Variants in GRAMD1B observed in about 807,000 individuals in gnomAD.
The protein encoded by GRAMD1B is GRAM domain containing 1B, also known as protein Aster-B.
Under a neutral mutation model 99.7 loss-of-function variants are expected in GRAMD1B, and 37 were observed. The ratio of observed to expected loss-of-function variants is 0.37; its 90% CI spans 0.29 to 0.49. The LOEUF (loss-of-function observed/expected upper bound fraction) is 0.49. Ranked by LOEUF, GRAMD1B falls within the 20% of genes least tolerant of loss-of-function variation. The pLI is 0.98. For missense variants in GRAMD1B, 888 were observed against 1,009.2 expected, an observed-to-expected ratio of 0.88 and a Z score of 1.63; for synonymous variants, 427 against 387.6, an observed-to-expected ratio of 1.10 and a Z score of -1.19.
rs1469234017 is a variant in GRAMD1B at position 123,606,749 on chromosome 11, T to C, written c.1464T>C (p.Asn488=). 1 of 1,613,796 alleles carries C rather than the reference T, an allele frequency of 6.2e-7. No individual in the cohort carries two copies. The highest frequency in any genetic ancestry group is 1.3e-5 in the African/African-American group (1 of 75,020). Residue 488 remains asparagine (N), a synonymous_variant, in exon 11 of 20, where the codon AAT becomes AAC. Coordinates refer to ENST00000635736, the MANE Select transcript of GRAMD1B (RefSeq NM_001387025.1). ...CCCCTTCACTGGACTTCAATGACAA[T>C]GAGGACATCCCCACTGAGCTCAGTG... ...VNSPSLDFND[N]EDIPTELSDS...
At position 123,591,265 on chromosome 11, in the gene GRAMD1B, T is replaced by C. The variant is rs77716166; in HGVS notation, c.685-2817T>C. ...ACCTGTCAGAGTCACACAGGCCCTC[T>C]GCTGAGAAACCAGAGGCCACCCATC... On this transcript the variant is annotated intron_variant, in intron 4 of 19. Coordinates refer to ENST00000635736, the MANE Select transcript of GRAMD1B (RefSeq NM_001387025.1). The surrounding 1 kb of genome is among the most constrained non-coding windows in gnomAD (Gnocchi z 4.7). 7.5e-3 allele frequency: 2,989 copies of C among 396,864 alleles called. 35 individuals are homozygous for C. The highest frequency in any genetic ancestry group is 0.033 in the African/African-American group (1,589 of 48,722). The allele number at this position is 396,864 out of a possible 1,614,324, so 24.6% of individuals were successfully genotyped here. A position where few individuals can be genotyped will look rare whatever the true frequency, so the allele number is the denominator to read the frequency against.
At chr11:123,585,130 C>G (rs112571933) in intron 4 of GRAMD1B, among the ~76,000 whole-genome samples, 4 of 152,196 alleles carry the variant, frequency 2.6e-5, no homozygotes, top group African/African-American at 9.7e-5. Flanking sequence ...CTCCTCACAC[C>G]TAACTCTGAT....
At chr11:123,585,822 C>G (rs1158544181) in intron 4 of GRAMD1B, among the ~76,000 whole-genome samples, 1 of 152,214 alleles carries the variant, frequency 6.6e-6, no homozygotes, top group African/African-American at 2.4e-5. Context: ...TTGGACAGGC[C>G]AGCCCCTGTC....
At chr11:123,463,071 C>T (rs866788082) in intron 1 of GRAMD1B, among the ~76,000 whole-genome samples, 10 of 152,254 alleles carry the variant, frequency 6.6e-5, no homozygotes, top group Admixed American at 2.6e-4. Context: ...TGCGATGGCG[C>T]GATCTCGGCT....
At chr11:123,579,024 G>A (rs1314126687) in intron 3 of GRAMD1B, among the ~76,000 whole-genome samples, 1 of 152,216 alleles carries the variant, frequency 6.6e-6, no homozygotes, top group African/African-American at 2.4e-5. Flanking sequence ...CCAGACTGGG[G>A]TTCATGGTGT....
intron 11 of GRAMD1B, chr11:123,607,968 A>C (rs1020209859): frequency 1.3e-5 from 2 of 154,228 alleles, no homozygotes; most frequent in African/African-American, 4.8e-5. Flanking sequence ...AGGGCTTTGC[A>C]TCCCTGAGAC....
At chr11:123,361,959 G>T (rs996362200) in intron 1 of GRAMD1B, among the ~76,000 whole-genome samples, 1 of 152,216 alleles carries the variant, frequency 6.6e-6, no homozygotes, top group Non-Finnish European at 1.5e-5. Context: ...TCATTTGGTA[G>T]GCATGAGAAT....
At chr11:123,526,280 C>T (rs1289192487) in intron 2 of GRAMD1B, 12 of 954,680 alleles carry the variant, frequency 1.3e-5, no homozygotes, top group South Asian at 5.5e-5. Flanking sequence ...CACCAGGCAT[C>T]GAGGGGTTAA....
chr11:123,437,927 C>G (rs1008589373), intron 1 of GRAMD1B, among the ~76,000 whole-genome samples: 3 of 152,192 alleles, frequency 2.0e-5, no homozygotes, highest in Non-Finnish European at 4.4e-5. Flanking sequence ...CTTCTCCGCT[C>G]TGTGTGTGCC....
intron 1 of GRAMD1B, among the ~76,000 whole-genome samples, chr11:123,423,351 C>CCTCTT (rs984023516): frequency 3.9e-5 from 6 of 151,934 alleles, no homozygotes; most frequent in Admixed American, 2.0e-4. Context: ...CCTCCTCTCT[C>CCTCTT]CTCTTCTCTT....
intron 2 of GRAMD1B, among the ~76,000 whole-genome samples, chr11:123,526,714 C>T (rs550373796): frequency 7.1e-4 from 108 of 152,202 alleles, no homozygotes; most frequent in Non-Finnish European, 1.3e-3. Flanking sequence ...GCGAGTGGAC[C>T]GCTGCCTACC....
At chr11:123,364,573 G>A (rs1474177743) in intron 1 of GRAMD1B, among the ~76,000 whole-genome samples, 2 of 152,238 alleles carry the variant, frequency 1.3e-5, no homozygotes, top group Non-Finnish European at 2.9e-5. Flanking sequence ...TAGCTTTGAA[G>A]CGAAGGAATG....
rs1555085387 is a variant in GRAMD1B, at chr11:123,583,400, G to GTGGTGTGTATGTGTGCGTGTGTGTA, written c.664-910_664-909insGTGTGTATGTGTGCGTGTGTGTATG. Among the ~76,000 whole-genome samples, 184 of 150,602 alleles carry GTGGTGTGTATGTGTGCGTGTGTGTA rather than the reference G, an allele frequency of 1.2e-3. 2 individuals carry two copies. In the South Asian group the frequency reaches 0.037, roughly 31 times the overall value. On this transcript the variant is annotated intron_variant, in intron 3 of 19. Transcript: ENST00000635736. ...GTGTGTGGTGTGTATGTGTGCGTGT[G>GTGGTGTGTATGTGTGCGTGTGTGTA]TGTGTGTGTCTGTGTATATGTGTGT...
intron 3 of GRAMD1B, among the ~76,000 whole-genome samples, chr11:123,583,912 G>A (rs565910324): frequency 6.6e-6 from 1 of 152,132 alleles, no homozygotes; most frequent in South Asian, 2.1e-4. Context: ...TTTACAGGGG[G>A]CTGTCTTAGA....
chr11:123,482,931 C>T (rs1329876055), intron 2 of GRAMD1B, among the ~76,000 whole-genome samples: 1 of 151,696 alleles, frequency 6.6e-6, no homozygotes, highest in African/African-American at 2.4e-5. Flanking sequence ...TGATGGTGCA[C>T]GCCTGTAGTC....
intron 2 of GRAMD1B, among the ~76,000 whole-genome samples, chr11:123,525,177 A>C (rs1042703268): frequency 3.3e-5 from 5 of 152,152 alleles, no homozygotes; most frequent in Non-Finnish European, 7.4e-5. Flanking sequence ...CTGCCACCAG[A>C]AGTTGCTGCC....
intron 2 of GRAMD1B, among the ~76,000 whole-genome samples, chr11:123,522,379 C>T (rs780754589): frequency 9.9e-5 from 15 of 152,034 alleles, no homozygotes; most frequent in African/African-American, 1.9e-4. Context: ...AGTGCAGTGG[C>T]GTGATCTCGA....
chr11:123,590,416 C>T (rs191336332), intron 4 of GRAMD1B, among the ~76,000 whole-genome samples: 30 of 152,320 alleles, frequency 2.0e-4, no homozygotes, highest in Admixed American at 1.0e-3. Context: ...CACCTCCCCT[C>T]CCTACTCCAC....
Position 123,609,391 on chromosome 11 carries a change from A to G in GRAMD1B, c.1658-404A>G, listed in dbSNP as rs77623179. The stretch of plus-strand genomic sequence containing the variant: ...TCCAGCTGTAACAAAGCATTTGGGC[A>G]TCAGCGATCCTGTGTGCCAAGAGGA... On this transcript the variant is annotated intron_variant, in intron 12 of 19. Coordinates refer to ENST00000635736, the MANE Select transcript of GRAMD1B (RefSeq NM_001387025.1). Among the ~76,000 whole-genome samples the G allele has an allele frequency of 2.0e-4, 30 of 152,244 alleles. No individual in the cohort carries two copies. The East Asian group carries it at 5.8e-3, about 29-fold the overall frequency.
Sources: gnomAD v4.1 joint callset for allele counts (sites outside exome capture counted in the v4.1 genomes callset) on GRCh38, gnomAD v4.1.1 for gene constraint, Gnocchi (gnomAD v3.1) non-coding constraint, MANE v1.5 for transcripts, NCBI Gene and HGNC (gene_info 2026-07-23, HGNC 2026-07-21) for gene names.